CPNE2: variants seen among roughly 807,000 people sequenced by gnomAD.
CPNE2 encodes the protein copine 2.
A neutral mutation model predicts 69.7 loss-of-function variants in CPNE2; 42 were observed. The observed-to-expected ratio is 0.60, with a 90% CI of 0.47 to 0.78. The LOEUF is 0.78. CPNE2 is among the 30% of genes least tolerant of loss of function. CPNE2 has a pLI of 0.00. For missense variants in CPNE2, 587 were observed against 732.0 expected, an observed-to-expected ratio of 0.80 and a Z score of 2.29; for synonymous variants, 294 against 289.8, an observed-to-expected ratio of 1.01 and a Z score of -0.15.
At chr16:57,132,991 A>G (rs549943648) in intron 12 of CPNE2, among the ~76,000 whole-genome samples, 19 of 152,202 alleles carry the variant, frequency 1.2e-4, no homozygotes, top group African/African-American at 3.9e-4. Context: ...CTCCACCCCT[A>G]TCAGCAGGGG....
At chr16:57,093,513 C>T (rs2069558140) in intron 1 of CPNE2, among the ~76,000 whole-genome samples, 1 of 152,068 alleles carries the variant, frequency 6.6e-6, no homozygotes, top group African/African-American at 2.4e-5. Context: ...CCACCCCATC[C>T]CCCAGCCTCG....
intron 15 of CPNE2, chr16:57,147,291 C>T: frequency 2.8e-6 from 1 of 363,122 alleles, no homozygotes; most frequent in Non-Finnish European, 4.9e-6. Flanking sequence ...TCATCCTAAC[C>T]CGTTACTCCC....
At position 57,115,470 on chromosome 16, in the gene CPNE2, C is replaced by G. The variant is rs1486661199; in HGVS notation, c.361-6C>G. ...CACTGAGCGCCCTTTCTCCTCTCTC[C>G]CCTAGATCGTCTCCAGCAAGAAGAT... On this transcript the variant is annotated splice_polypyrimidine_tract_variant and splice_region_variant and intron_variant, in intron 3 of 15. Transcript: ENST00000290776. 4 of 1,610,616 alleles carry G rather than the reference C, an allele frequency of 2.5e-6. No homozygotes were observed. The highest frequency in any genetic ancestry group is 2.5e-6 in the Non-Finnish European group (3 of 1,178,038).
intron 14 of CPNE2, among the ~76,000 whole-genome samples, chr16:57,137,764 A>G (rs1287251492): frequency 6.6e-6 from 1 of 152,194 alleles, no homozygotes; most frequent in Non-Finnish European, 1.5e-5. Flanking sequence ...GGCATCTGGA[A>G]TATATGGTAA....
At chr16:57,137,866 G>T (rs980625511) in intron 14 of CPNE2, among the ~76,000 whole-genome samples, 91 of 152,346 alleles carry the variant, frequency 6.0e-4, no homozygotes, top group African/African-American at 2.1e-3. Flanking sequence ...TACTGGCAGG[G>T]TCTGATGCCA....
At chr16:57,117,760 G>A (rs2069730569) in intron 5 of CPNE2, among the ~76,000 whole-genome samples, 193 bp downstream of exon 5, 1 of 152,128 alleles carries the variant, frequency 6.6e-6, no homozygotes, top group Non-Finnish European at 1.5e-5. Context: ...CATCCCTTAG[G>A]GGTATTCAAA....
intron 13 of CPNE2, among the ~76,000 whole-genome samples, chr16:57,136,610 C>A (rs1014057941): frequency 4.6e-5 from 7 of 152,202 alleles, no homozygotes; most frequent in Non-Finnish European, 1.0e-4. Flanking sequence ...CCAGGTCCCA[C>A]AGCTAAGAAA....
At chr16:57,094,178 GT>G in intron 1 of CPNE2, 1 of 437,586 alleles carries the variant, frequency 2.3e-6, no homozygotes, top group Non-Finnish European at 4.6e-6. Flanking sequence ...GACGAAGGAT[GT>G]GGACGCTTGG....
intron 14 of CPNE2, among the ~76,000 whole-genome samples, chr16:57,139,740 G>A (rs1277193870): frequency 6.6e-6 from 1 of 152,156 alleles, no homozygotes; most frequent in African/African-American, 2.4e-5. Flanking sequence ...AGCCTCTTCT[G>A]ATGGTTCAGG....
In CPNE2 at chr16:57,140,724, C is replaced by T. The variant is rs532626238; in HGVS notation, c.1302+3442C>T. On this transcript the variant is annotated intron_variant, in intron 14 of 15. Transcript: ENST00000290776. ...GGATTACAAGCACCTGCCACCACGC[C>T]GGGCTAATTTTTGTATTTTTAGTAG... 5.3e-5 allele frequency among the ~76,000 whole-genome samples: 8 copies of T among 151,914 alleles called. No individual in the cohort carries two copies. In the East Asian group the frequency reaches 1.2e-3, roughly 22 times the overall value.
At chr16:57,110,683 C>T (rs1789670978) in intron 1 of CPNE2, 25 bp from the exon 2 acceptor site, 1 of 1,436,456 alleles carries the variant, frequency 7.0e-7, no homozygotes, top group African/African-American at 1.4e-5. Flanking sequence ...TGTCCACTCT[C>T]TGACCCTCAC....
intron 1 of CPNE2, among the ~76,000 whole-genome samples, chr16:57,103,025 A>G (rs913006921): frequency 6.6e-6 from 1 of 152,178 alleles, no homozygotes; most frequent in South Asian, 2.1e-4. Flanking sequence ...CAGACCTCAC[A>G]TAATGGGTTC....
intron 1 of CPNE2, among the ~76,000 whole-genome samples, chr16:57,105,042 C>T (rs189999629): frequency 1.9e-3 from 291 of 152,220 alleles, no homozygotes; most frequent in African/African-American, 6.6e-3. Flanking sequence ...CAGGTAGAGC[C>T]ATGGTGGCAT....
chr16:57,127,712 CA>C (rs1187822180), intron 11 of CPNE2, 136 bp from the exon 12 acceptor site: 2 of 829,518 alleles, frequency 2.4e-6, no homozygotes, highest in African/African-American at 3.5e-5. Flanking sequence ...ATGATCCTAA[CA>C]GCTTTTTCTA....
At chr16:57,107,115 A>C (rs1376013747) in intron 1 of CPNE2, among the ~76,000 whole-genome samples, 1 of 152,166 alleles carries the variant, frequency 6.6e-6, no homozygotes, top group East Asian at 1.9e-4. Flanking sequence ...TCTCAGCCAC[A>C]CAGCAAGACT....
intron 9 of CPNE2, 55 bp from the exon 10 acceptor site, chr16:57,123,359 C>A: frequency 1.3e-6 from 2 of 1,549,466 alleles, no homozygotes; most frequent in Non-Finnish European, 1.8e-6. Context: ...ACAACTCCCC[C>A]ATGGGGAGTG....
At chr16:57,123,295 C>T (rs549532411) in intron 9 of CPNE2, 119 bp from the exon 10 acceptor site, 7 of 963,572 alleles carry the variant, frequency 7.3e-6, no homozygotes, top group Admixed American at 7.0e-5. Flanking sequence ...TAGATCAGGC[C>T]CATCAGCTTT....
chr16:57,118,967 G>A (rs1295194672), intron 5 of CPNE2, among the ~76,000 whole-genome samples: 3 of 151,948 alleles, frequency 2.0e-5, no homozygotes, highest in Non-Finnish European at 2.9e-5. Context: ...AGCTCTGACA[G>A]CCTCAGGGTG....
chr16:57,109,864 T>C (rs930073066), intron 1 of CPNE2, among the ~76,000 whole-genome samples: 1 of 152,206 alleles, frequency 6.6e-6, no homozygotes, highest in African/African-American at 2.4e-5. Context: ...CCCAGTAGGT[T>C]TCAGCCTTAT....
Sources: gnomAD v4.1 joint callset for allele counts (sites outside exome capture counted in the v4.1 genomes callset) on GRCh38, gnomAD v4.1.1 for gene constraint, MANE v1.5 for transcripts, NCBI Gene and HGNC (gene_info 2026-07-23, HGNC 2026-07-21) for gene names.